The following TBC1D32 variants were observed in gnomAD, a reference collection of about 807,000 sequenced individuals.
The protein encoded by TBC1D32 is TBC1 domain family member 32, also known as protein broad-minded.
Under a neutral mutation model 170.3 loss-of-function variants are expected in TBC1D32, and 151 were observed. That is an observed-to-expected ratio of 0.89 (90% CI 0.78 to 1.01). The LOEUF (loss-of-function observed/expected upper bound fraction) is 1.01, where lower values mean the gene tolerates loss of function less well. Ranked by LOEUF, TBC1D32 falls within the 50% of genes least tolerant of loss-of-function variation. The pLI is 0.00. For synonymous variants in TBC1D32, 498 were observed against 488.0 expected (o/e 1.02, Z -0.27); for missense variants, 1,464 against 1,457.1 (o/e 1.00, Z -0.08).
At chr6:121,129,353 A>G (rs1781182205) in intron 25 of TBC1D32, among the ~76,000 whole-genome samples, 2 of 152,180 alleles carry the variant, frequency 1.3e-5, no homozygotes, top group Non-Finnish European at 1.5e-5. Flanking sequence ...AGCACATTTA[A>G]GCTAGGCTAG....
At chr6:121,273,393 G>A (rs1202443359) in intron 15 of TBC1D32, among the ~76,000 whole-genome samples, 10 of 142,088 alleles carry the variant, frequency 7.0e-5, no homozygotes, top group East Asian at 6.7e-4. Context: ...CACAGGGACA[G>A]AAAACCAAAC....
chr6:121,214,062 G>C (rs1437339456), intron 21 of TBC1D32, among the ~76,000 whole-genome samples: 1 of 152,178 alleles, frequency 6.6e-6, no homozygotes, highest in East Asian at 1.9e-4. Flanking sequence ...TAAACGTGCT[G>C]AGATAACTGG....
chr6:121,206,681 A>C (rs1792318613), intron 21 of TBC1D32, among the ~76,000 whole-genome samples: 1 of 152,240 alleles, frequency 6.6e-6, no homozygotes, highest in Non-Finnish European at 1.5e-5. Flanking sequence ...ATTTTGTAGA[A>C]GTGTGTAAAT....
intron 25 of TBC1D32, 123 bp from the exon 26 acceptor site, chr6:121,126,584 T>G: frequency 1.7e-5 from 10 of 602,888 alleles, no homozygotes; most frequent in South Asian, 1.0e-4. Flanking sequence ...TCTAAGGGAG[T>G]TCAATTCAAA....
intron 22 of TBC1D32, among the ~76,000 whole-genome samples, chr6:121,195,877 G>A (rs1790664037): frequency 6.6e-6 from 1 of 152,186 alleles, no homozygotes; most frequent in African/African-American, 2.4e-5. Flanking sequence ...TTCGAGCAGT[G>A]CACCAGGTTG....
At chr6:121,103,213 A>G (rs1343134895) in intron 30 of TBC1D32, among the ~76,000 whole-genome samples, 1 of 152,122 alleles carries the variant, frequency 6.6e-6, no homozygotes, top group Non-Finnish European at 1.5e-5. Context: ...ATACCATTTG[A>G]CCCAGCCATC....
intron 22 of TBC1D32, among the ~76,000 whole-genome samples, chr6:121,188,884 A>G (rs1789563445): frequency 6.6e-6 from 1 of 152,178 alleles, no homozygotes; most frequent in African/African-American, 2.4e-5. Flanking sequence ...CTGGAAGTGG[A>G]AAGGAACTGA....
At chr6:121,216,180 G>A (rs924637884) in intron 21 of TBC1D32, among the ~76,000 whole-genome samples, 1 of 152,150 alleles carries the variant, frequency 6.6e-6, no homozygotes, top group Non-Finnish European at 1.5e-5. Flanking sequence ...CAAATATAAA[G>A]CAGGCAGAAA....
At chr6:121,236,880 C>T (rs2128350785) in intron 20 of TBC1D32, 1 of 152,048 alleles carries the variant, frequency 6.6e-6, no homozygotes, top group Admixed American at 6.5e-5. Flanking sequence ...AAATAAACCC[C>T]ACTATGTATC....
intron 12 of TBC1D32, among the ~76,000 whole-genome samples, chr6:121,288,237 A>C (rs1167825666): frequency 6.6e-6 from 1 of 152,206 alleles, no homozygotes. Flanking sequence ...AAAGATCAAC[A>C]AAATTGATAA....
rs544112207 is a variant in TBC1D32 at position 121,260,142 on chromosome 6, C to T, written c.1734-3857G>A. On this transcript the variant is annotated intron_variant, in intron 15 of 31. Transcript: ENST00000398212. The stretch of plus-strand genomic sequence containing the variant: ...AACAAAATGCCACAGAAAGGGCCCA[C>T]TAAAGTAAAGACCACAAATTACAAG... Among the ~76,000 whole-genome samples, 6 of 152,188 alleles carry T rather than the reference C, an allele frequency of 3.9e-5. No individual in the cohort carries two copies. In the South Asian group the frequency reaches 1.2e-3, roughly 32 times the overall value.
intron 30 of TBC1D32, among the ~76,000 whole-genome samples, chr6:121,102,633 AC>A (rs1488528706): frequency 2.0e-5 from 3 of 152,086 alleles, no homozygotes; most frequent in African/African-American, 7.2e-5. Context: ...AACCATAAAA[AC>A]CCTGGAAGAA....
chr6:121,139,567 T>A (rs947964547), intron 24 of TBC1D32, among the ~76,000 whole-genome samples: 3 of 151,994 alleles, frequency 2.0e-5, no homozygotes, highest in Non-Finnish European at 4.4e-5. Context: ...ACAAGAAAAA[T>A]TGTTAAACAA....
At chr6:121,098,918 T>G (rs1256208740) in intron 30 of TBC1D32, among the ~76,000 whole-genome samples, 1 of 151,930 alleles carries the variant, frequency 6.6e-6, no homozygotes, top group Non-Finnish European at 1.5e-5. Context: ...AGTGAAGACA[T>G]ACACATTTAT....
At chr6:121,132,340 G>A (rs1781527220) in intron 24 of TBC1D32, among the ~76,000 whole-genome samples, 1 of 151,928 alleles carries the variant, frequency 6.6e-6, no homozygotes, top group Non-Finnish European at 1.5e-5. Flanking sequence ...TAAAGAAAAT[G>A]AAATTCTCAT....
intron 31 of TBC1D32, among the ~76,000 whole-genome samples, chr6:121,087,298 C>G (rs1213025935): frequency 6.6e-6 from 1 of 151,970 alleles, no homozygotes; most frequent in Admixed American, 6.5e-5. Flanking sequence ...GTGTTCACAC[C>G]ACCTTCTGAT....
At chr6:121,133,236 GA>G (rs1340553347) in intron 24 of TBC1D32, among the ~76,000 whole-genome samples, 1 of 151,898 alleles carries the variant, frequency 6.6e-6, no homozygotes, top group African/African-American at 2.4e-5. Flanking sequence ...TTTTCTTAAA[GA>G]AAATTATAAT....
At chr6:121,273,156 G>A (rs1801714597) in intron 15 of TBC1D32, among the ~76,000 whole-genome samples, 2 of 151,788 alleles carry the variant, frequency 1.3e-5, no homozygotes, top group Non-Finnish European at 2.9e-5. Context: ...TATACCTAAT[G>A]TAAATGACAA....
At chr6:121,305,312 A>G (rs1583665391) in intron 5 of TBC1D32, among the ~76,000 whole-genome samples, 2 of 152,202 alleles carry the variant, frequency 1.3e-5, no homozygotes, top group South Asian at 4.1e-4. Context: ...AAATTTTTAC[A>G]TTATTAAAAC....
Sources: allele counts gnomAD v4.1 joint callset (sites outside exome capture counted in the v4.1 genomes callset), GRCh38; gene constraint gnomAD v4.1.1; transcripts MANE v1.5; gene names NCBI Gene and HGNC (gene_info 2026-07-23, HGNC 2026-07-21).